Variants in HAS2 observed in about 807,000 individuals in gnomAD.
HAS2 encodes the protein hyaluronan synthase 2, also known as HA synthase 2.
A neutral mutation model predicts 51.6 loss-of-function variants in HAS2; 16 were observed. The observed-to-expected ratio is 0.31, with a 90% CI of 0.21 to 0.47. HAS2 has a LOEUF of 0.47. HAS2 is among the 20% of genes least tolerant of loss of function. The probability of loss-of-function intolerance (pLI) is 1.00; values close to 1 mark genes in which losing one functional copy is unlikely to be tolerated. For synonymous variants in HAS2, 228 were observed against 235.5 expected, an observed-to-expected ratio of 0.97 and a Z score of 0.29; for missense variants, 361 against 662.6, an observed-to-expected ratio of 0.54 and a Z score of 5.00.
intron 2 of HAS2, among the ~76,000 whole-genome samples, chr8:121,628,388 T>A (rs559404032): frequency 1.3e-5 from 2 of 151,938 alleles, no homozygotes; most frequent in Admixed American, 6.5e-5. Context: ...GAAAATGATG[T>A]TGGATTTGAC....
At chr8:121,615,654 T>G (rs1251192683) in intron 3 of HAS2, among the ~76,000 whole-genome samples, 1 of 151,892 alleles carries the variant, frequency 6.6e-6, no homozygotes, top group African/African-American at 2.4e-5. Context: ...AGGCTTTAGA[T>G]CTCAATCCCT....
At chr8:121,624,541 T>C (rs1812815759) in intron 2 of HAS2, among the ~76,000 whole-genome samples, 1 of 152,206 alleles carries the variant, frequency 6.6e-6, no homozygotes, top group Non-Finnish European at 1.5e-5. Context: ...ACTCTACTGT[T>C]AGGAATAATA....
At position 121,614,771 on chromosome 8, in the gene HAS2, G is replaced by T. The variant is rs777496685; in HGVS notation, c.997C>A (p.Arg333=). Residue 333 remains arginine, a synonymous_variant, in exon 4 of 4, where the codon CGA becomes AGA. Coordinates refer to ENST00000303924, the MANE Select transcript of HAS2 (RefSeq NM_005328.3). The surrounding 1 kb of genome is among the most constrained non-coding windows in gnomAD (Gnocchi z 7.2). The part of the protein sequence containing the change: ...SLGYATKYTA[R]SKCLTETPIE... ...GGTGTTTCAGTAAGGCACTTAGATCGAGCTGTGTATTTTGTTGCATAGCCC... is the reference window on the plus strand; with the variant it reads ...GGTGTTTCAGTAAGGCACTTAGATCTAGCTGTGTATTTTGTTGCATAGCCC... 2 of 1,614,168 alleles carry T rather than the reference G, an allele frequency of 1.2e-6. No homozygotes were observed. Among genetic ancestry groups the T allele is most frequent in the Admixed American group, 3.3e-5 (2 of 60,022 alleles).
intron 2 of HAS2, among the ~76,000 whole-genome samples, chr8:121,620,589 T>C (rs969322256): frequency 1.3e-5 from 2 of 152,202 alleles, no homozygotes; most frequent in African/African-American, 4.8e-5. Flanking sequence ...ATGAAGCAAG[T>C]CACCAACTTT....
intron 1 of HAS2, 37 bp downstream of exon 1, chr8:121,640,816 C>G (rs1439681698): frequency 6.6e-6 from 1 of 152,074 alleles, no homozygotes; most frequent in Admixed American, 6.6e-5. Flanking sequence ...TGTTGGAGGA[C>G]CTTCATCCTT....
At chr8:121,616,943 G>A (rs565217876) in intron 3 of HAS2, among the ~76,000 whole-genome samples, 162 bp downstream of exon 3, 5 of 152,318 alleles carry the variant, frequency 3.3e-5, no homozygotes, top group African/African-American at 9.6e-5. Flanking sequence ...AAAAGAGGCA[G>A]TGAAGCAGAT....
intron 1 of HAS2, among the ~76,000 whole-genome samples, chr8:121,634,570 A>C (rs1274446328): frequency 6.6e-6 from 1 of 151,690 alleles, no homozygotes; most frequent in Admixed American, 6.6e-5. Context: ...TTGCATGAAA[A>C]CCAGGGCTTG....
chr8:121,633,912 G>T (rs10111085), intron 1 of HAS2, among the ~76,000 whole-genome samples: 38,484 of 135,022 alleles, frequency 0.29, 5,180 homozygotes, highest in Middle Eastern at 0.39. Context: ...GTTTTTTTGG[G>T]TTTTTTTTTT....
At chr8:121,629,432 G>T in intron 1 of HAS2, 92 bp from the exon 2 acceptor site, 2 of 1,018,174 alleles carry the variant, frequency 2.0e-6, no homozygotes, top group Non-Finnish European at 2.9e-6. Flanking sequence ...TGGACTAGAA[G>T]CATTCAGGAG....
intron 3 of HAS2, 21 bp downstream of exon 3, chr8:121,617,084 A>G (rs947720946): frequency 3.7e-6 from 5 of 1,359,450 alleles, no homozygotes; most frequent in Non-Finnish European, 5.2e-6. Flanking sequence ...AAACAAACAA[A>G]CAAAAAGTGA....
At chr8:121,621,684 C>T (rs1812775986) in intron 2 of HAS2, among the ~76,000 whole-genome samples, 1 of 152,170 alleles carries the variant, frequency 6.6e-6, no homozygotes, top group Non-Finnish European at 1.5e-5. Flanking sequence ...CTACAGCATT[C>T]CTGTCTGTTC....
intron 2 of HAS2, among the ~76,000 whole-genome samples, chr8:121,622,324 C>T (rs1007332163): frequency 3.9e-5 from 6 of 152,058 alleles, no homozygotes; most frequent in African/African-American, 1.4e-4. Context: ...AAAAAAAGTA[C>T]TATATAAGGC....
intron 1 of HAS2, chr8:121,640,257 G>A (rs1296698755): frequency 6.6e-6 from 1 of 152,656 alleles, no homozygotes; most frequent in Non-Finnish European, 1.5e-5. Flanking sequence ...GTGGCCGAGA[G>A]GGGATGGTAG....
Position 121,619,162 on chromosome 8 carries a change from G to C in HAS2, c.628-1956C>G, listed in dbSNP as rs183466501. Among the ~76,000 whole-genome samples the C allele has an allele frequency of 1.8e-3, 274 of 151,268 alleles. 2 individuals carry two copies. Among genetic ancestry groups the C allele is most frequent in the South Asian group, 4.0e-3 (19 of 4,752 alleles). On this transcript the variant is annotated intron_variant, in intron 2 of 3. Coordinates refer to ENST00000303924, the MANE Select transcript of HAS2 (RefSeq NM_005328.3). ...AAGCTAAGGCGGGGGGATTGTTTGA[G>C]CCCAGGAGTTTGAGACCAGCCTGGG...
chr8:121,638,027 G>A (rs1281481923), intron 1 of HAS2, among the ~76,000 whole-genome samples: 3 of 152,070 alleles, frequency 2.0e-5, no homozygotes, highest in Non-Finnish European at 4.4e-5. Context: ...ATATAGCTTT[G>A]AAAAAGGGTA....
At chr8:121,635,558 C>T (rs1812997157) in intron 1 of HAS2, among the ~76,000 whole-genome samples, 1 of 152,174 alleles carries the variant, frequency 6.6e-6, no homozygotes, top group Admixed American at 6.5e-5. Flanking sequence ...TATTAGCAAC[C>T]TGGCTCAGAC....
At chr8:121,623,786 CTCTTAG>C (rs1363384934) in intron 2 of HAS2, among the ~76,000 whole-genome samples, 4 of 152,180 alleles carry the variant, frequency 2.6e-5, no homozygotes, top group Admixed American at 1.3e-4. Context: ...TTTCAGTGAG[CTCTTAG>C]TCTTAACCTC....
At chr8:121,636,335 C>A (rs938321674) in intron 1 of HAS2, among the ~76,000 whole-genome samples, 1 of 152,110 alleles carries the variant, frequency 6.6e-6, no homozygotes, top group Admixed American at 6.5e-5. Context: ...CTTCACATTA[C>A]AGCACATTAC....
intron 1 of HAS2, among the ~76,000 whole-genome samples, chr8:121,634,973 C>T (rs958575065): frequency 3.9e-5 from 6 of 152,138 alleles, no homozygotes; most frequent in African/African-American, 1.4e-4. Flanking sequence ...TCTTGAATTC[C>T]AGTACCCTTA....
Sources: allele counts gnomAD v4.1 joint callset (sites outside exome capture counted in the v4.1 genomes callset), GRCh38; gene constraint gnomAD v4.1.1; non-coding constraint Gnocchi (gnomAD v3.1); transcripts MANE v1.5; gene names NCBI Gene and HGNC (gene_info 2026-07-23, HGNC 2026-07-21).